Variants in MSH3 observed in about 807,000 individuals in gnomAD.
MSH3 encodes the protein DNA mismatch repair protein Msh3.
Under a neutral mutation model 123.3 loss-of-function variants are expected in MSH3, and 106 were observed. That is an observed-to-expected ratio of 0.86 (90% CI 0.73 to 1.01). The LOEUF (loss-of-function observed/expected upper bound fraction) is 1.01. MSH3 is among the 50% of genes least tolerant of loss of function. The pLI is 0.00. For synonymous variants in MSH3, 515 were observed against 481.4 expected, an observed-to-expected ratio of 1.07 and a Z score of -0.91; for missense variants, 1,459 against 1,347.6, an observed-to-expected ratio of 1.08 and a Z score of -1.29.
chr5:80,838,772 T>G (rs1349960676), intron 20 of MSH3, among the ~76,000 whole-genome samples: 1 of 152,166 alleles, frequency 6.6e-6, no homozygotes, highest in African/African-American at 2.4e-5. Flanking sequence ...CTCACAGTAC[T>G]TAGTGGCTAA....
At chr5:80,679,209 A>G (rs1194156616) in intron 8 of MSH3, 116 bp downstream of exon 8, 1 of 1,115,300 alleles carries the variant, frequency 9.0e-7, no homozygotes, top group Non-Finnish European at 1.3e-6. Context: ...TTATATTTCC[A>G]CTGTAGTAGT....
chr5:80,787,278 G>A (rs925038767), intron 17 of MSH3, among the ~76,000 whole-genome samples: 5 of 152,182 alleles, frequency 3.3e-5, no homozygotes, highest in Non-Finnish European at 7.3e-5. Flanking sequence ...TATATCTTAA[G>A]TTCAAATGTC....
Position 80,783,284 on chromosome 5 carries a change from A to C in MSH3, c.2436-4281A>C, listed in dbSNP as rs995029480. ...AAGTTGGTTGGTAGCATAGTGATAAAATTGCTTGTTGTTATGCTATAAACC... is the reference window on the plus strand; with the variant it reads ...AAGTTGGTTGGTAGCATAGTGATAACATTGCTTGTTGTTATGCTATAAACC... On this transcript the variant is annotated intron_variant, in intron 17 of 23. Coordinates refer to ENST00000265081, the MANE Select transcript of MSH3 (RefSeq NM_002439.5). Among the ~76,000 whole-genome samples, 3 of 152,208 alleles carry C rather than the reference A, an allele frequency of 2.0e-5. No homozygotes were observed. The East Asian group carries it at 5.8e-4, about 29-fold the overall frequency.
At chr5:80,828,307 C>T (rs1172409082) in intron 20 of MSH3, among the ~76,000 whole-genome samples, 2 of 152,112 alleles carry the variant, frequency 1.3e-5, no homozygotes. Context: ...TATGATAACC[C>T]ATTGATTCAT....
intron 8 of MSH3, among the ~76,000 whole-genome samples, chr5:80,722,506 G>T (rs1210183568): frequency 1.3e-5 from 2 of 152,104 alleles, no homozygotes; most frequent in Admixed American, 1.3e-4. Flanking sequence ...TTTCATTATA[G>T]CAGCAGTCTT....
Position 80,874,962 on chromosome 5 carries a change from C to G in MSH3, c.3303-789C>G, listed in dbSNP as rs186795824. Among the ~76,000 whole-genome samples the G allele has an allele frequency of 1.8e-3, 272 of 152,284 alleles. 1 individual carries two copies. The highest frequency in any genetic ancestry group is 6.2e-3 in the African/African-American group (258 of 41,558). ...TTACCTTTTTTCTAAAAGTGCTTAT[C>G]ACATCAATTCCTTTGGCCAGATCAA... On this transcript the variant is annotated intron_variant, in intron 23 of 23. Coordinates refer to ENST00000265081, the MANE Select transcript of MSH3 (RefSeq NM_002439.5).
chr5:80,845,930 CA>C (rs1284896095), intron 20 of MSH3, among the ~76,000 whole-genome samples: 7 of 152,122 alleles, frequency 4.6e-5, no homozygotes, highest in Admixed American at 4.6e-4. Context: ...ATTCTCTGCC[CA>C]GTTTTGTTCC....
intron 19 of MSH3, among the ~76,000 whole-genome samples, chr5:80,808,735 A>G (rs543222781): frequency 3.5e-4 from 53 of 151,730 alleles, no homozygotes; most frequent in Middle Eastern, 3.5e-3. Context: ...GAACATATAC[A>G]TGATTGTATA....
chr5:80,678,974 C>T lies in MSH3; in HGVS notation c.1221C>T (p.Asp407=). Residue 407 remains aspartate, a synonymous_variant, in exon 8 of 24, where the codon GAC becomes GAT. Transcript: ENST00000265081. ...TGEVVFDSFQ[D]SASRSELETR... ...AGGTTGTGTTTGATAGTTTCCAGGA[C>T]TCTGCTTCTCGTTCAGAGCTAGAAA... 6.2e-7 allele frequency: 1 copy of T among 1,614,152 alleles called. No homozygotes were observed. Among genetic ancestry groups the T allele is most frequent in the Middle Eastern group, 1.7e-4 (1 of 6,060 alleles).
At position 80,654,905 on chromosome 5, in the gene MSH3, GCCGCAGCGC is replaced by G. The variant is rs1554066076; in HGVS notation, c.181_189del (p.Ala61_Pro63del). 8.7e-6 allele frequency: 13 copies of G among 1,494,406 alleles called. No individual in the cohort carries two copies. Among genetic ancestry groups the G allele is most frequent in the African/African-American group, 3.9e-5 (2 of 51,624 alleles). The allele number at this position is 1,494,406 out of a possible 1,614,324, so 92.6% of individuals were successfully genotyped here. A position where few individuals can be genotyped will look rare whatever the true frequency, so the allele number is the denominator to read the frequency against. ...TGCAGCGGCTGCAGCGGCCGCAGCG[GCCGCAGCGC>G]CCCCAGCGCCCCCAGCTCCCGCCTT... On this transcript the variant is annotated inframe_deletion, in exon 1 of 24. Coordinates refer to ENST00000265081, the MANE Select transcript of MSH3 (RefSeq NM_002439.5).
At chr5:80,831,131 G>A (rs1042921330) in intron 20 of MSH3, among the ~76,000 whole-genome samples, 1 of 151,978 alleles carries the variant, frequency 6.6e-6, no homozygotes, top group Non-Finnish European at 1.5e-5. Context: ...AAAATAATAA[G>A]TCAGGGATTG....
chr5:80,846,353 C>T (rs987575313), intron 20 of MSH3, among the ~76,000 whole-genome samples: 3 of 151,332 alleles, frequency 2.0e-5, no homozygotes, highest in East Asian at 2.0e-4. Flanking sequence ...TCAGGCTACA[C>T]GGGGTTTTGG....
intron 20 of MSH3, among the ~76,000 whole-genome samples, chr5:80,830,917 T>C (rs191067156): frequency 2.0e-5 from 3 of 152,340 alleles, no homozygotes; most frequent in African/African-American, 7.2e-5. Context: ...ATTATAACTT[T>C]TATAAATAAA....
intron 8 of MSH3, among the ~76,000 whole-genome samples, chr5:80,696,976 A>T (rs1433612512): frequency 6.6e-6 from 1 of 152,198 alleles, no homozygotes; most frequent in Non-Finnish European, 1.5e-5. Flanking sequence ...CAGTTTAAGA[A>T]TGTTAGTATA....
intron 8 of MSH3, among the ~76,000 whole-genome samples, chr5:80,701,038 G>A (rs544498132): frequency 5.9e-5 from 9 of 152,268 alleles, no homozygotes; most frequent in East Asian, 3.9e-4. Context: ...TAGCTAAAGC[G>A]TCTTGTCCTC....
At position 80,670,189 on chromosome 5, in the gene MSH3, G is replaced by T. The variant is rs141028683; in HGVS notation, c.672G>T (p.Arg224=). 19 of 1,613,950 alleles carry T rather than the reference G, an allele frequency of 1.2e-5. No individual in the cohort carries two copies. The African/African-American group carries it at 1.3e-4, about 11-fold the overall frequency. The change falls in exon 4 of 24, where the codon CGG becomes CGT. Residue 224 remains arginine (R), a synonymous_variant. Coordinates refer to ENST00000265081, the MANE Select transcript of MSH3 (RefSeq NM_002439.5). ...CTGCTTCCAAATCAGCTAACAAACG[G>T]TCCAAAAGCATCTATACGCCGCTAG... ...QKTASKSANK[R]SKSIYTPLEL... is the part of the protein sequence containing the mutation.
intron 7 of MSH3, among the ~76,000 whole-genome samples, 165 bp from the exon 8 acceptor site, chr5:80,678,762 C>T (rs945665971): frequency 2.0e-5 from 3 of 152,094 alleles, no homozygotes; most frequent in Non-Finnish European, 4.4e-5. Flanking sequence ...TCTGACTCTT[C>T]GTGTAAGAGT....
rs554472031 is a variant in MSH3 at position 80,741,370 on chromosome 5, C to T, written c.1569-94C>T. ...TTTTCTATCAGAATGCTAATTTTTG[C>T]CATAATGTAGCTGGCATGTTTCTAG... On this transcript the variant is annotated intron_variant, in intron 10 of 23. Transcript: ENST00000265081. 2.2e-3 allele frequency: 1,805 copies of T among 822,168 alleles called. 9 individuals carry two copies. The highest frequency in any genetic ancestry group is 3.2e-3 in the Non-Finnish European group (1,528 of 483,092). 50.9% of individuals were successfully genotyped at this position (822,168 alleles called of 1,614,324 possible).
At chr5:80,727,544 T>G (rs1052247707) in intron 9 of MSH3, among the ~76,000 whole-genome samples, 4 of 152,224 alleles carry the variant, frequency 2.6e-5, no homozygotes, top group Non-Finnish European at 4.4e-5. Flanking sequence ...GGAGGGGTTA[T>G]CATTAACAAT....
Sources: allele counts gnomAD v4.1 joint callset (sites outside exome capture counted in the v4.1 genomes callset), GRCh38; gene constraint gnomAD v4.1.1; transcripts MANE v1.5; gene names NCBI Gene and HGNC (gene_info 2026-07-23, HGNC 2026-07-21).